IL12B: variants seen among roughly 807,000 people sequenced by gnomAD.
The protein encoded by IL12B is interleukin-12 subunit beta.
A neutral mutation model predicts 39.2 loss-of-function variants in IL12B; 27 were observed. The ratio of observed to expected loss-of-function variants is 0.69; its 90% CI spans 0.51 to 0.95. The LOEUF is 0.95. Ranked by LOEUF, IL12B falls within the 40% of genes least tolerant of loss-of-function variation. The probability of loss-of-function intolerance (pLI) is 0.00; values close to 1 mark genes in which losing one functional copy is unlikely to be tolerated. For missense variants in IL12B, 351 were observed against 397.6 expected (o/e 0.88, Z 1.00); for synonymous variants, 142 against 152.1 (o/e 0.93, Z 0.49).
intron 1 of IL12B, among the ~76,000 whole-genome samples, chr5:159,329,860 A>G (rs1484274451): frequency 6.6e-6 from 1 of 152,172 alleles, no homozygotes; most frequent in African/African-American, 2.4e-5. Flanking sequence ...GGAAGCAATA[A>G]TAGCTTTTCA....
Position 159,328,687 on chromosome 5 carries a change from T to C in IL12B, c.-1+1745A>G, listed in dbSNP as rs555335023. 8.5e-5 allele frequency among the ~76,000 whole-genome samples: 13 copies of C among 152,302 alleles called. 1 individual carries two copies. Among genetic ancestry groups the C allele is most frequent in the African/African-American group, 3.1e-4 (13 of 41,568 alleles). On this transcript the variant is annotated intron_variant, in intron 1 of 7. Coordinates refer to ENST00000231228, the MANE Select transcript of IL12B (RefSeq NM_002187.3). ...GGCTGGCACACTGGAAGGGAAATAG[T>C]GGAGATTCCTGGCATCTCCTGGCCA...
At chr5:159,317,867 G>C (rs542489001) in intron 6 of IL12B, among the ~76,000 whole-genome samples, 1 of 152,322 alleles carries the variant, frequency 6.6e-6, no homozygotes, top group African/African-American at 2.4e-5. Context: ...TGAGTGCCAA[G>C]ATCAATGACC....
At chr5:159,317,597 C>T (rs549638162) in intron 6 of IL12B, among the ~76,000 whole-genome samples, 14 of 152,200 alleles carry the variant, frequency 9.2e-5, no homozygotes, top group South Asian at 6.2e-4. Context: ...GAGTCTGGGG[C>T]GGTACAAAAG....
chr5:159,319,206 T>C (rs10036122), intron 5 of IL12B, among the ~76,000 whole-genome samples: 238 of 152,308 alleles, frequency 1.6e-3, no homozygotes, highest in African/African-American at 5.5e-3. Context: ...GCTTTAATGG[T>C]TATGGGCCAT....
chr5:159,319,897 A>G (rs1164676718), intron 5 of IL12B, among the ~76,000 whole-genome samples: 1 of 152,252 alleles, frequency 6.6e-6, no homozygotes, highest in African/African-American at 2.4e-5. Context: ...CTAAGAAAGA[A>G]GTCCCTTTTC....
At position 159,330,462 on chromosome 5, in the gene IL12B, G is replaced by A. The variant is rs1754258018; in HGVS notation, c.-31C>T. 6.6e-6 allele frequency: 1 copy of A among 152,476 alleles called. No individual in the cohort carries two copies. The highest frequency in any genetic ancestry group is 1.9e-4 in the East Asian group (1 of 5,316). The allele number at this position is 152,476 out of a possible 1,614,324, so 9.4% of individuals were successfully genotyped here. A position where few individuals can be genotyped will look rare whatever the true frequency, so the allele number is the denominator to read the frequency against. On this transcript the variant is annotated 5_prime_UTR_variant, in exon 1 of 8. Coordinates refer to ENST00000231228, the MANE Select transcript of IL12B (RefSeq NM_002187.3). The stretch of plus-strand genomic sequence containing the variant: ...TCTGGGCAGGACGGAGAGTCCAATG[G>A]CCCTGAAACAGATGTTGTTTCTTCT...
intron 7 of IL12B, 107 bp downstream of exon 7, chr5:159,316,578 C>A: frequency 8.3e-7 from 1 of 1,201,644 alleles, no homozygotes; most frequent in East Asian, 2.5e-5. Flanking sequence ...CAACTGGGTG[C>A]TGGCCACTCC....
chr5:159,318,336 C>A (rs1219153290), intron 6 of IL12B, among the ~76,000 whole-genome samples: 1 of 152,182 alleles, frequency 6.6e-6, no homozygotes, highest in Non-Finnish European at 1.5e-5. Flanking sequence ...CACATAATAA[C>A]ATTTCAGTCA....
intron 1 of IL12B, among the ~76,000 whole-genome samples, chr5:159,328,745 C>T (rs1489241298): frequency 6.6e-6 from 1 of 152,160 alleles, no homozygotes; most frequent in African/African-American, 2.4e-5. Context: ...AGCTGTGTGC[C>T]CAGCACTTCC....
chr5:159,320,374 A>C lies in IL12B; in HGVS notation c.629T>G (p.Val210Gly), dbSNP rs1166603503. 6.2e-7 allele frequency: 1 copy of C among 1,614,040 alleles called. No individual in the cohort carries two copies. The highest frequency in any genetic ancestry group is 1.6e-4 in the Middle Eastern group (1 of 6,062). The change falls in exon 5 of 8, where the codon GTC (valine) becomes GGC (glycine). Residue 210 changes from valine (V) to glycine (G), a missense_variant. Val to Gly is a moderately radical substitution (Grantham distance 109). Coordinates refer to ENST00000231228, the MANE Select transcript of IL12B (RefSeq NM_002187.3). Reference sequence around the variant, plus strand: ...GAGCTTGTGAACGGCATCCACCATGACCTCAATGGGCAGACTCTCCTCAGC... The same window carrying C: ...GAGCTTGTGAACGGCATCCACCATGCCCTCAATGGGCAGACTCTCCTCAGC... ...PAAEESLPIE[V>G]MVDAVHKLKY...
chr5:159,329,423 G>A (rs987067695), intron 1 of IL12B, among the ~76,000 whole-genome samples: 5 of 152,118 alleles, frequency 3.3e-5, no homozygotes, highest in Non-Finnish European at 7.3e-5. Context: ...GTGTCATGGT[G>A]CCTAGATGAA....
chr5:159,320,056 T>C (rs530154898), intron 5 of IL12B, among the ~76,000 whole-genome samples: 1 of 151,958 alleles, frequency 6.6e-6, no homozygotes, highest in East Asian at 1.9e-4. Context: ...GCAGCTGTAG[T>C]GGAGTGGATC....
intron 6 of IL12B, among the ~76,000 whole-genome samples, chr5:159,317,826 G>A (rs1297329329): frequency 1.3e-5 from 2 of 152,158 alleles, no homozygotes; most frequent in African/African-American, 4.8e-5. Context: ...TAGGCTTCTG[G>A]AGCCCAGGTC....
intron 2 of IL12B, among the ~76,000 whole-genome samples, chr5:159,324,438 C>T (rs1401138120): frequency 6.6e-6 from 1 of 152,182 alleles, no homozygotes; most frequent in Non-Finnish European, 1.5e-5. Flanking sequence ...ATCGATGAAA[C>T]ACCATCAGCA....
At position 159,316,736 on chromosome 5, in the gene IL12B, G is replaced by C; in HGVS notation, c.936C>G (p.Asp312Glu). The C allele has an allele frequency of 6.2e-7, 1 of 1,614,168 alleles. No individual in the cohort carries two copies. Residue 312 changes from aspartate (D) to glutamate (E), a missense_variant, in exon 7 of 8, where the codon GAC becomes GAG. Asp to Glu is a conservative substitution (Grantham distance 45, BLOSUM62 2). Coordinates refer to ENST00000231228, the MANE Select transcript of IL12B (RefSeq NM_002187.3). ...KNASISVRAQDRYYSSSWSEW... is the reference protein window; with the variant it reads ...KNASISVRAQERYYSSSWSEW... ...CGCTCCAAGATGAGCTATAGTAGCG[G>C]TCCTGGGCCCGCACGCTAATGCTGG...
At chr5:159,324,474 T>C (rs550654480) in intron 2 of IL12B, among the ~76,000 whole-genome samples, 1 of 152,230 alleles carries the variant, frequency 6.6e-6, no homozygotes, top group Non-Finnish European at 1.5e-5. Flanking sequence ...AGATCAGAAA[T>C]GCAAATTCTC....
chr5:159,326,161 T>G (rs1191431137), intron 2 of IL12B, among the ~76,000 whole-genome samples: 2 of 152,218 alleles, frequency 1.3e-5, no homozygotes, highest in Admixed American at 6.5e-5. Flanking sequence ...AGTTTACAGT[T>G]GAGGAAATTC....
chr5:159,323,713 A>T (rs1754140276), intron 2 of IL12B, among the ~76,000 whole-genome samples: 1 of 152,144 alleles, frequency 6.6e-6, no homozygotes, highest in African/African-American at 2.4e-5. Flanking sequence ...AGGGCACAAT[A>T]TTCAGCAGAG....
At chr5:159,326,429 T>C (rs747640208) in intron 2 of IL12B, among the ~76,000 whole-genome samples, 1 of 152,254 alleles carries the variant, frequency 6.6e-6, no homozygotes, top group African/African-American at 2.4e-5. Context: ...AAATATCATA[T>C]GTCATATGTC....
Sources: allele counts gnomAD v4.1 joint callset (sites outside exome capture counted in the v4.1 genomes callset), GRCh38; gene constraint gnomAD v4.1.1; transcripts MANE v1.5; gene names NCBI Gene and HGNC (gene_info 2026-07-23, HGNC 2026-07-21).